Variants in RGS18 observed in about 807,000 individuals in gnomAD.
RGS18 encodes regulator of G-protein signaling 18.
RGS18 carries 22 observed loss-of-function variants against 27.6 expected under a neutral mutation model. That is an observed-to-expected ratio of 0.80 (90% CI 0.57 to 1.14). The LOEUF (loss-of-function observed/expected upper bound fraction) is 1.14. Ranked by LOEUF, RGS18 falls within the 50% of genes most tolerant of loss-of-function variation. The pLI is 0.00. For missense variants in RGS18, 299 were observed against 269.6 expected (o/e 1.11, Z -0.76); for synonymous variants, 89 against 84.6 (o/e 1.05, Z -0.29).
chr1:192,181,233 C>A (rs1048618856), intron 3 of RGS18, 59 bp from the exon 4 acceptor site: 7 of 927,046 alleles, frequency 7.6e-6, no homozygotes, highest in Non-Finnish European at 1.1e-5. Flanking sequence ...TATTATCAAT[C>A]AGTAAATGTT....
At position 192,181,359 on chromosome 1, in the gene RGS18, A is replaced by G. The variant is rs777722226; in HGVS notation, c.351A>G (p.Ile117Met). The G allele has an allele frequency of 8.2e-6, 13 of 1,588,598 alleles. No individual in the cohort carries two copies. Among genetic ancestry groups the G allele is most frequent in the Non-Finnish European group, 1.1e-5 (13 of 1,166,864 alleles). ...GTGAAGAAAATATTGAATTTTGGAT[A>G]GCCTGTGAAGATTTCAAGAAAAGCA... Reference protein sequence around the residue: ...EFSEENIEFWIACEDFKKSKG... With the variant: ...EFSEENIEFWMACEDFKKSKG... The change falls in exon 4 of 5, where the codon ATA becomes ATG. Residue 117 changes from isoleucine to methionine, a missense_variant. Coordinates refer to ENST00000367460, the MANE Select transcript of RGS18 (RefSeq NM_130782.3).
At chr1:192,177,960 G>A (rs1656385391) in intron 3 of RGS18, among the ~76,000 whole-genome samples, 3 of 151,778 alleles carry the variant, frequency 2.0e-5, no homozygotes, top group East Asian at 3.9e-4. Flanking sequence ...TAGTCTTGGA[G>A]GATGGAGAAA....
chr1:192,161,209 G>C (rs925612064), intron 3 of RGS18, among the ~76,000 whole-genome samples: 4 of 152,134 alleles, frequency 2.6e-5, no homozygotes, highest in African/African-American at 9.7e-5. Flanking sequence ...CATATCAATT[G>C]TCTATTTTTA....
intron 3 of RGS18, among the ~76,000 whole-genome samples, chr1:192,179,547 T>C (rs1450181765): frequency 6.6e-6 from 1 of 151,138 alleles, no homozygotes; most frequent in African/African-American, 2.4e-5. Context: ...AAAAAAGAAA[T>C]AACCCATGTT....
chr1:192,166,549 T>C (rs1332743223), intron 3 of RGS18, among the ~76,000 whole-genome samples: 1 of 151,864 alleles, frequency 6.6e-6, no homozygotes, highest in Non-Finnish European at 1.5e-5. Context: ...AAAGTTGTTA[T>C]ATAAAAGCTA....
At position 192,159,183 on chromosome 1, in the gene RGS18, T is replaced by C. The variant is rs1276389010; in HGVS notation, c.120-37T>C. The C allele has an allele frequency of 2.7e-6, 4 of 1,462,274 alleles. No homozygotes were observed. In the Admixed American group the frequency reaches 5.3e-5, roughly 19 times the overall value. 90.6% of individuals were successfully genotyped at this position (1,462,274 alleles called of 1,614,324 possible). A position where few individuals can be genotyped will look rare whatever the true frequency, so the allele number is the denominator to read the frequency against. The stretch of plus-strand genomic sequence containing the variant: ...TCAGCAGGAGAGATTTTAACTGTCA[T>C]CTAAATTGTCCTGACATGAAGGCCT... On this transcript the variant is annotated intron_variant, in intron 1 of 4. Coordinates refer to ENST00000367460, the MANE Select transcript of RGS18 (RefSeq NM_130782.3).
intron 3 of RGS18, among the ~76,000 whole-genome samples, chr1:192,172,953 C>T (rs542513323): frequency 6.7e-6 from 1 of 148,300 alleles, no homozygotes; most frequent in East Asian, 2.0e-4. Context: ...GTTTTCTCAT[C>T]TAAGAAAATG....
chr1:192,165,419 C>A (rs1352703639), intron 3 of RGS18, among the ~76,000 whole-genome samples: 8 of 152,128 alleles, frequency 5.3e-5, no homozygotes, highest in Non-Finnish European at 1.2e-4. Flanking sequence ...TATTTTATTG[C>A]CTTTGAAGCA....
intron 3 of RGS18, among the ~76,000 whole-genome samples, chr1:192,180,484 G>A (rs1425114849): frequency 6.6e-6 from 1 of 151,504 alleles, no homozygotes; most frequent in African/African-American, 2.4e-5. Context: ...AACATTTATG[G>A]GGCAAGACAA....
intron 1 of RGS18, 118 bp downstream of exon 1, chr1:192,158,874 A>C (rs556820312): frequency 1.3e-6 from 1 of 743,930 alleles, no homozygotes; most frequent in African/African-American, 1.8e-5. Flanking sequence ...GTATTGCTAT[A>C]ATTTGGGAAA....
intron 4 of RGS18, among the ~76,000 whole-genome samples, chr1:192,182,704 G>A (rs972674019): frequency 1.3e-5 from 2 of 151,484 alleles, no homozygotes; most frequent in African/African-American, 4.8e-5. Flanking sequence ...TAGACTAAGA[G>A]TGAATATGAT....
chr1:192,174,199 A>G (rs1656317834), intron 3 of RGS18, among the ~76,000 whole-genome samples: 1 of 151,654 alleles, frequency 6.6e-6, no homozygotes, highest in Non-Finnish European at 1.5e-5. Context: ...TTTATCACAC[A>G]CTGGTTATTG....
intron 3 of RGS18, among the ~76,000 whole-genome samples, chr1:192,160,841 T>TTTTG (rs904160647): frequency 6.6e-6 from 1 of 152,154 alleles, no homozygotes; most frequent in Non-Finnish European, 1.5e-5. Flanking sequence ...ACACAGTTTT[T>TTTTG]TTTGTTTGTT....
intron 3 of RGS18, among the ~76,000 whole-genome samples, chr1:192,162,218 TTTC>T (rs1213518025): frequency 6.6e-6 from 1 of 152,208 alleles, no homozygotes; most frequent in African/African-American, 2.4e-5. Context: ...TGTACTCACT[TTTC>T]TTCATTTCCA....
intron 4 of RGS18, among the ~76,000 whole-genome samples, chr1:192,182,625 A>T (rs1243112808): frequency 1.3e-5 from 2 of 151,600 alleles, no homozygotes; most frequent in Non-Finnish European, 3.0e-5. Flanking sequence ...TACAAATGGA[A>T]GACATTGTAA....
At chr1:192,172,903 A>G (rs1188901237) in intron 3 of RGS18, among the ~76,000 whole-genome samples, 1 of 147,854 alleles carries the variant, frequency 6.8e-6, no homozygotes, top group Non-Finnish European at 1.5e-5. Flanking sequence ...ATATACACAT[A>G]TGTATAAAAT....
intron 3 of RGS18, among the ~76,000 whole-genome samples, chr1:192,161,944 T>C (rs1365926742): frequency 6.6e-6 from 1 of 152,204 alleles, no homozygotes; most frequent in Non-Finnish European, 1.5e-5. Flanking sequence ...TTTAGTGATA[T>C]AAAAATTCTA....
chr1:192,178,740 T>C lies in RGS18; in HGVS notation c.284-2552T>C, dbSNP rs547467102. Among the ~76,000 whole-genome samples, 3 of 151,784 alleles carry C rather than the reference T, an allele frequency of 2.0e-5. No homozygotes were observed. The South Asian group carries it at 6.2e-4, about 31-fold the overall frequency. ...GTGTAGAAAACTTAATCAAAGATTTTATATCTGTAAGGAGAAAAGATATGT... is the reference window on the plus strand; with the variant it reads ...GTGTAGAAAACTTAATCAAAGATTTCATATCTGTAAGGAGAAAAGATATGT... On this transcript the variant is annotated intron_variant, in intron 3 of 4. Coordinates refer to ENST00000367460, the MANE Select transcript of RGS18 (RefSeq NM_130782.3).
At chr1:192,171,031 G>C (rs1656246529) in intron 3 of RGS18, among the ~76,000 whole-genome samples, 1 of 152,080 alleles carries the variant, frequency 6.6e-6, no homozygotes, top group Non-Finnish European at 1.5e-5. Flanking sequence ...ATATGCCACA[G>C]TACAACCAGC....
Sources: allele counts gnomAD v4.1 joint callset (sites outside exome capture counted in the v4.1 genomes callset), GRCh38; gene constraint gnomAD v4.1.1; transcripts MANE v1.5; gene names NCBI Gene and HGNC (gene_info 2026-07-23, HGNC 2026-07-21).